The following CYP2R1 variants were observed in gnomAD, a reference collection of about 807,000 sequenced individuals.
CYP2R1 encodes the protein cytochrome P450 family 2 subfamily R member 1.
In CYP2R1, 40 loss-of-function variants were observed where a neutral mutation model predicts 45.7. That is an observed-to-expected ratio of 0.87 (90% confidence interval 0.68 to 1.14). The LOEUF is 1.14. Ranked by LOEUF, CYP2R1 falls within the 50% of genes most tolerant of loss-of-function variation. CYP2R1 has a pLI of 0.00. For synonymous variants in CYP2R1, 234 were observed against 219.3 expected (o/e 1.07, Z -0.59); for missense variants, 605 against 602.6 (o/e 1.00, Z -0.04).
chr11:14,879,593 T>C, intron 3 of CYP2R1, 150 bp from the exon 4 acceptor site: 1 of 626,250 alleles, frequency 1.6e-6, no homozygotes, highest in South Asian at 1.9e-5. Flanking sequence ...CTGGGCGTTC[T>C]ATTGAAATAT....
intron 2 of CYP2R1, among the ~76,000 whole-genome samples, chr11:14,881,257 T>C (rs536854995): frequency 6.6e-6 from 1 of 152,092 alleles, no homozygotes; most frequent in African/African-American, 2.4e-5. Context: ...CAAGTAACTA[T>C]GACAGGGGTA....
intron 2 of CYP2R1, among the ~76,000 whole-genome samples, chr11:14,882,052 A>G (rs992474574): frequency 5.9e-5 from 9 of 152,156 alleles, no homozygotes; most frequent in South Asian, 2.1e-4. Context: ...GGGGGTCATT[A>G]GTGCTGTGTA....
In CYP2R1 at chr11:14,891,851, A is replaced by G. The variant is rs868907407; in HGVS notation, c.225+130T>C. On this transcript the variant is annotated intron_variant, in intron 1 of 4. Coordinates refer to ENST00000334636, the MANE Select transcript of CYP2R1 (RefSeq NM_024514.5). The stretch of plus-strand genomic sequence containing the variant: ...AGACCCGGGAAGCGGGTGTCCCTCA[A>G]AGGGCAGCCGGCACACGGAGAGGTC... The G allele has an allele frequency of 1.1e-5, 16 of 1,413,386 alleles. No individual in the cohort carries two copies. The Middle Eastern group carries it at 7.8e-4, about 69-fold the overall frequency. The allele number at this position is 1,413,386 out of a possible 1,614,324, so 87.6% of individuals were successfully genotyped here.
At chr11:14,878,687 A>G (rs1848251737) in intron 4 of CYP2R1, among the ~76,000 whole-genome samples, 1 of 152,120 alleles carries the variant, frequency 6.6e-6, no homozygotes, top group Admixed American at 6.6e-5. Flanking sequence ...TCCATCTTCC[A>G]TGGGTCTTGT....
At position 14,892,075 on chromosome 11, in the gene CYP2R1, GGCGGCCC is replaced by G. The variant is rs782553664; in HGVS notation, c.124_130del (p.Gly42ArgfsTer23). ...GATGTTGCCGATAAATGGCAGCCCC[GGCGGCCC>G]CGGGGGGAAGCCCATCGGCCGCCTC... is the stretch of plus-strand genomic sequence containing the variant. On this transcript the variant is annotated frameshift_variant, in exon 1 of 5. Transcript: ENST00000334636. LOFTEE classifies it high-confidence loss of function. 3.2e-5 allele frequency: 52 copies of G among 1,611,984 alleles called. No homozygotes were observed. Among genetic ancestry groups the G allele is most frequent in the Non-Finnish European group, 4.2e-5 (50 of 1,179,716 alleles).
intron 1 of CYP2R1, among the ~76,000 whole-genome samples, chr11:14,889,250 T>C (rs2134094624): frequency 6.6e-6 from 1 of 151,918 alleles, no homozygotes; most frequent in Non-Finnish European, 1.5e-5. Context: ...AGGTACAACT[T>C]TCCAGAACTT....
In CYP2R1 at chr11:14,879,437, A is replaced by G. The variant is rs1555011084; in HGVS notation, c.1007T>C (p.Val336Ala). 6.2e-7 allele frequency: 1 copy of G among 1,600,486 alleles called. No homozygotes were observed. Among genetic ancestry groups the G allele is most frequent in the African/African-American group, 1.3e-5 (1 of 74,962 alleles). The change falls in exon 4 of 5, where the codon GTT becomes GCT. Residue 336 changes from valine (V) to alanine (A), a missense_variant. By Grantham distance (64) the Val-to-Ala change is moderately conservative. Transcript: ENST00000334636. The stretch of plus-strand genomic sequence containing the variant: ...CATAATTAAATCAATCTCTTTCTGA[A>G]CTTGTCCTGTCAGAGAAAAAGTATT... ...MALYPNIQGQ[V>A]QKEIDLIMGP... is the part of the protein sequence containing the mutation.
intron 1 of CYP2R1, among the ~76,000 whole-genome samples, chr11:14,888,475 T>C (rs1016700130): frequency 3.9e-4 from 60 of 152,194 alleles, no homozygotes; most frequent in African/African-American, 1.4e-3. Flanking sequence ...TTTTCAACCT[T>C]TGCTTGGTTT....
At chr11:14,885,466 C>G (rs901213634) in intron 2 of CYP2R1, among the ~76,000 whole-genome samples, 2 of 152,136 alleles carry the variant, frequency 1.3e-5, no homozygotes, top group African/African-American at 4.8e-5. Flanking sequence ...AAGGGCACTT[C>G]GGATTCAAGT....
chr11:14,879,010 G>T (rs1848264541), intron 4 of CYP2R1, 104 bp downstream of exon 4: 1 of 909,214 alleles, frequency 1.1e-6, no homozygotes, highest in Non-Finnish European at 1.8e-6. Flanking sequence ...TTTTAGAATT[G>T]GGATATTTAA....
In CYP2R1 at chr11:14,880,662, G is replaced by C. The variant is rs782608851; in HGVS notation, c.474C>G (p.Ile158Met). The C allele has an allele frequency of 4.4e-6, 7 of 1,596,874 alleles. No homozygotes were observed. The South Asian group carries it at 8.0e-5, about 18-fold the overall frequency. Residue 158 changes from isoleucine (I) to methionine (M), a missense_variant, in exon 3 of 5, where the codon ATC becomes ATG. Transcript: ENST00000334636. ...GYGQKSFESK[I>M]LEETKFFNDA... ...CATTGAAAAATTTGGTTTCTTCCAAGATTTTAGATTCAAAAGACTTTTGGC... is the reference window on the plus strand; with the variant it reads ...CATTGAAAAATTTGGTTTCTTCCAACATTTTAGATTCAAAAGACTTTTGGC...
chr11:14,891,266 T>C, intron 1 of CYP2R1: 1 of 985,318 alleles, frequency 1.0e-6, no homozygotes, highest in Non-Finnish European at 1.2e-6. Flanking sequence ...GTTATGAGTT[T>C]TAAATGAGTC....
At chr11:14,883,736 AG>A (rs1848486309) in intron 2 of CYP2R1, among the ~76,000 whole-genome samples, 1 of 152,110 alleles carries the variant, frequency 6.6e-6, no homozygotes, top group South Asian at 2.1e-4. Context: ...CTACCATCAG[AG>A]TGAACAGGCA....
At chr11:14,888,776 A>C (rs1308338584) in intron 1 of CYP2R1, among the ~76,000 whole-genome samples, 6 of 152,168 alleles carry the variant, frequency 3.9e-5, no homozygotes, top group Admixed American at 3.9e-4. Flanking sequence ...GCTGTGCATA[A>C]AGTTCTCAAT....
rs1396260711 is a variant in CYP2R1, at chr11:14,877,840, C to T, written c.*282G>A. On this transcript the variant is annotated 3_prime_UTR_variant, in exon 5 of 5. Transcript: ENST00000334636. ...AGTACCTGGTACTAAACAAGATGCT[C>T]AGCTTAGGGCGTCCATGACCCTTCT... The T allele has an allele frequency of 1.7e-5, 6 of 351,438 alleles. No homozygotes were observed. The highest frequency in any genetic ancestry group is 1.3e-4 in the African/African-American group (6 of 47,212). 21.8% of individuals were successfully genotyped at this position (351,438 alleles called of 1,614,324 possible). A position where few individuals can be genotyped will look rare whatever the true frequency, so the allele number is the denominator to read the frequency against.
intron 2 of CYP2R1, 64 bp from the exon 3 acceptor site, chr11:14,880,832 A>G: frequency 1.3e-6 from 2 of 1,495,324 alleles, no homozygotes; most frequent in Non-Finnish European, 1.8e-6. Context: ...ATGAAAGGGA[A>G]CAAAATTTTT....
At position 14,880,608 on chromosome 11, in the gene CYP2R1, A is replaced by C. The variant is rs2134023295; in HGVS notation, c.528T>G (p.Pro176=). 6.2e-7 allele frequency: 1 copy of C among 1,612,296 alleles called. No individual in the cohort carries two copies. The highest frequency in any genetic ancestry group is 2.2e-5 in the East Asian group (1 of 44,848). ...TCGTTATTAACTGTTTAAAGTCAAA[A>C]GGTCTACCTTTGTATGTTTCAATAG... ...NDAIETYKGR[P]FDFKQLITNA... Residue 176 remains proline, a synonymous_variant, in exon 3 of 5, where the codon CCT becomes CCG. Coordinates refer to ENST00000334636, the MANE Select transcript of CYP2R1 (RefSeq NM_024514.5).
At chr11:14,891,544 C>G in intron 1 of CYP2R1, 1 of 1,024,180 alleles carries the variant, frequency 9.8e-7, no homozygotes, top group Non-Finnish European at 1.2e-6. Flanking sequence ...TATTAACCAT[C>G]TAGAACTCAG....
chr11:14,883,787 T>G (rs1283444265), intron 2 of CYP2R1, among the ~76,000 whole-genome samples: 1 of 152,316 alleles, frequency 6.6e-6, no homozygotes, highest in East Asian at 1.9e-4. Context: ...CCTACTCATC[T>G]GACAAAGGGC....
Sources: gnomAD v4.1 joint callset for allele counts (sites outside exome capture counted in the v4.1 genomes callset) on GRCh38, gnomAD v4.1.1 for gene constraint, MANE v1.5 for transcripts, NCBI Gene and HGNC (gene_info 2026-07-23, HGNC 2026-07-21) for gene names.